The following KDM5A variants were observed in gnomAD, a reference collection of about 807,000 sequenced individuals.
KDM5A encodes the protein lysine demethylase 5A, also known as lysine-specific demethylase 5A.
Under a neutral mutation model 193.5 loss-of-function variants are expected in KDM5A, and 42 were observed. The ratio of observed to expected loss-of-function variants is 0.22; its 90% CI spans 0.17 to 0.28. The LOEUF (loss-of-function observed/expected upper bound fraction) is 0.28. Ranked by LOEUF, KDM5A falls within the 10% of genes least tolerant of loss-of-function variation. KDM5A has a pLI of 1.00. For synonymous variants in KDM5A, 796 were observed against 718.1 expected, an observed-to-expected ratio of 1.11 and a Z score of -1.73; for missense variants, 1,692 against 2,055.1, an observed-to-expected ratio of 0.82 and a Z score of 3.42.
At chr12:387,323 CAT>C (rs1320807688) in intron 1 of KDM5A, 3 of 309,684 alleles carry the variant, frequency 9.7e-6, no homozygotes, top group African/African-American at 4.6e-5. Context: ...AATAATGTGA[CAT>C]AAAGAGAAAG....
intron 1 of KDM5A, among the ~76,000 whole-genome samples, chr12:387,644 G>C (rs1474968901): frequency 6.6e-6 from 1 of 152,110 alleles, no homozygotes; most frequent in Non-Finnish European, 1.5e-5. Flanking sequence ...CAGAAAAACT[G>C]ATCTAGGTTC....
intron 8 of KDM5A, 70 bp downstream of exon 8, chr12:353,998 AATATGTTT>A: frequency 9.5e-7 from 1 of 1,057,914 alleles, no homozygotes; most frequent in Admixed American, 1.8e-5. Flanking sequence ...CATATTTGGG[AATATGTTT>A]ATATGTAGGT....
chr12:339,529 C>G (rs1374864656), intron 10 of KDM5A, among the ~76,000 whole-genome samples: 2 of 152,192 alleles, frequency 1.3e-5, no homozygotes, highest in African/African-American at 4.8e-5. Flanking sequence ...TCTCTTAATA[C>G]TTTGGTTGAT....
chr12:295,318 GAAAGAA>G (rs1205696895), intron 26 of KDM5A, among the ~76,000 whole-genome samples: 3 of 149,970 alleles, frequency 2.0e-5, no homozygotes, highest in African/African-American at 7.4e-5. Flanking sequence ...AAGGAGAAAA[GAAAGAA>G]AAAGAAAAAG....
At chr12:300,003 T>C (rs1051703183) in intron 24 of KDM5A, among the ~76,000 whole-genome samples, 1 of 150,316 alleles carries the variant, frequency 6.7e-6, no homozygotes, top group African/African-American at 2.5e-5. Flanking sequence ...TAAATATATA[T>C]GCACCCAATA....
rs1944609999 is a variant in KDM5A at position 384,022 on chromosome 12, G to A, written c.366+9C>T. On this transcript the variant is annotated intron_variant, in intron 3 of 27. Coordinates refer to ENST00000399788, the MANE Select transcript of KDM5A (RefSeq NM_001042603.3). ...TGTGCTCTAATTTCTAAACCAGTAT[G>A]AGCCTCACCTTGCTCAAAGCATACA... 1.9e-6 allele frequency: 3 copies of A among 1,613,348 alleles called. No individual in the cohort carries two copies. The highest frequency in any genetic ancestry group is 1.7e-4 in the Middle Eastern group (1 of 6,060).
intron 8 of KDM5A, 40 bp downstream of exon 8, chr12:354,036 T>C (rs555318652): frequency 1.3e-6 from 2 of 1,519,434 alleles, no homozygotes; most frequent in Non-Finnish European, 1.8e-6. Context: ...TGTATTATTA[T>C]TTTTAGTTAA....
At chr12:326,559 A>C (rs1430739653) in intron 14 of KDM5A, among the ~76,000 whole-genome samples, 1 of 152,222 alleles carries the variant, frequency 6.6e-6, no homozygotes, top group Non-Finnish European at 1.5e-5. Context: ...TAGAAGACAC[A>C]GAAAGAAACC....
intron 5 of KDM5A, among the ~76,000 whole-genome samples, chr12:361,139 T>G (rs540745727): frequency 7.9e-5 from 12 of 152,170 alleles, no homozygotes; most frequent in Non-Finnish European, 1.5e-4. Flanking sequence ...TATCAACCAA[T>G]CTGAATACAG....
In KDM5A at chr12:323,224, A is replaced by AAAAAAAAAAAAAAAAAAAAAC; in HGVS notation, c.2151-19_2151-18insGTTTTTTTTTTTTTTTTTTTT. 1 of 1,479,308 alleles carries AAAAAAAAAAAAAAAAAAAAAC rather than the reference A, an allele frequency of 6.8e-7. No homozygotes were observed. 91.6% of individuals were successfully genotyped at this position (1,479,308 alleles called of 1,614,324 possible). A position where few individuals can be genotyped will look rare whatever the true frequency, so the allele number is the denominator to read the frequency against. On this transcript the variant is annotated intron_variant, in intron 15 of 27. Transcript: ENST00000399788. The stretch of plus-strand genomic sequence containing the variant: ...AGCGATATCTACAAAAAAAAAAAAA[A>AAAAAAAAAAAAAAAAAAAAAC]AAAAAAAAAAAAAAAGAAAACAGAA...
rs1431668212 is a variant in KDM5A, at chr12:389,021, G to A, written c.71C>T (p.Pro24Leu). The change falls in exon 1 of 28, where the codon CCG becomes CTG. Residue 24 changes from proline to leucine, a missense_variant. This residue lies in a region of KDM5A where 84 missense variants were observed against 68.2 expected (regional missense o/e 1.23). Coordinates refer to ENST00000399788, the MANE Select transcript of KDM5A (RefSeq NM_001042603.3). ...VPPPECPVFEPSWEEFTDPLS... is the reference protein window; with the variant it reads ...VPPPECPVFELSWEEFTDPLS... ...CGGATCTGTGAACTCCTCCCAACTC[G>A]GCTCAAAGACGGGGCACTCTGGCGG... is the stretch of plus-strand genomic sequence containing the variant. 2 of 1,613,756 alleles carry A rather than the reference G, an allele frequency of 1.2e-6. No individual in the cohort carries two copies.
chr12:299,882 G>A (rs1166864218), intron 24 of KDM5A, among the ~76,000 whole-genome samples: 2 of 150,596 alleles, frequency 1.3e-5, no homozygotes, highest in East Asian at 3.9e-4. Context: ...AAAAAAAGCA[G>A]GAGTTGCAAT....
At chr12:292,678 TACACATTGATATCAA>T in intron 27 of KDM5A, 66 bp downstream of exon 27, 2 of 1,546,110 alleles carry the variant, frequency 1.3e-6, no homozygotes, top group Non-Finnish European at 1.8e-6. Context: ...AAAAACATAC[TACACATTGATATCAA>T]ACATGTGTCT....
At chr12:386,091 G>T (rs1591945261) in intron 1 of KDM5A, 117 bp from the exon 2 acceptor site, 1 of 726,354 alleles carries the variant, frequency 1.4e-6, no homozygotes, top group East Asian at 2.7e-5. Context: ...TAACTTACAA[G>T]TCTTCTTTAT....
chr12:351,886 C>T (rs1186717355), intron 9 of KDM5A, among the ~76,000 whole-genome samples: 1 of 151,820 alleles, frequency 6.6e-6, no homozygotes, highest in Non-Finnish European at 1.5e-5. Context: ...AGTGGATAAC[C>T]TGAGGTCAGG....
chr12:349,550 G>A (rs1469623741), intron 10 of KDM5A, among the ~76,000 whole-genome samples: 2 of 148,040 alleles, frequency 1.4e-5, no homozygotes, highest in African/African-American at 5.0e-5. Flanking sequence ...GGCTGGTCTT[G>A]AACTCCTGAC....
chr12:387,358 G>T, intron 1 of KDM5A: 1 of 232,596 alleles, frequency 4.3e-6, no homozygotes, highest in Non-Finnish European at 8.8e-6. Flanking sequence ...ATTTTTTTAA[G>T]TAAAAAAACT....
chr12:295,520 A>C, intron 26 of KDM5A, 53 bp downstream of exon 26: 1 of 1,518,228 alleles, frequency 6.6e-7, no homozygotes, highest in South Asian at 1.1e-5. Flanking sequence ...ACCTCTAAGG[A>C]ACCTAGGCAT....
At chr12:384,816 C>T (rs1270789324) in intron 2 of KDM5A, among the ~76,000 whole-genome samples, 1 of 152,196 alleles carries the variant, frequency 6.6e-6, no homozygotes, top group African/African-American at 2.4e-5. Flanking sequence ...AACATGCACA[C>T]TTTAGGTGCA....
Sources: allele counts gnomAD v4.1 joint callset (sites outside exome capture counted in the v4.1 genomes callset), GRCh38; gene constraint gnomAD v4.1.1; regional missense constraint gnomAD v4.1.1; transcripts MANE v1.5; gene names NCBI Gene and HGNC (gene_info 2026-07-23, HGNC 2026-07-21).